PTPRD: variants seen among roughly 807,000 people sequenced by gnomAD.
The protein encoded by PTPRD is receptor-type tyrosine-protein phosphatase delta.
In PTPRD, 34 loss-of-function variants were observed where a neutral mutation model predicts 214.5. The observed-to-expected ratio is 0.16, with a 90% confidence interval of 0.12 to 0.21. PTPRD has a LOEUF of 0.21. Ranked by LOEUF, PTPRD falls within the 10% of genes least tolerant of loss-of-function variation. PTPRD has a pLI of 1.00. For missense variants in PTPRD, 2,545 were observed against 2,398.7 expected (o/e 1.06, Z -1.27); for synonymous variants, 1,128 against 845.7 (o/e 1.33, Z -5.79).
chr9:10,334,143 A>G (rs1053881218), intron 3 of PTPRD, among the ~76,000 whole-genome samples: 3 of 151,752 alleles, frequency 2.0e-5, no homozygotes, highest in Admixed American at 1.3e-4. Flanking sequence ...ACAATATACT[A>G]AAGATAGGGG....
chr9:10,263,557 G>A (rs1004105130), intron 3 of PTPRD, among the ~76,000 whole-genome samples: 1 of 152,100 alleles, frequency 6.6e-6, no homozygotes, highest in Non-Finnish European at 1.5e-5. Flanking sequence ...AGAGATCTGT[G>A]GAATTTTGAA....
At chr9:8,707,838 G>A (rs1755469226) in intron 12 of PTPRD, among the ~76,000 whole-genome samples, 2 of 152,132 alleles carry the variant, frequency 1.3e-5, no homozygotes, top group South Asian at 4.1e-4. Flanking sequence ...GTTCACATCT[G>A]TCATCTCCCA....
chr9:9,093,519 T>A (rs1452402309), intron 10 of PTPRD, among the ~76,000 whole-genome samples: 1 of 151,916 alleles, frequency 6.6e-6, no homozygotes, highest in African/African-American at 2.4e-5. Flanking sequence ...CAGAAATTAG[T>A]AATAAACAAT....
intron 9 of PTPRD, among the ~76,000 whole-genome samples, chr9:9,187,331 C>T (rs73403468): frequency 0.017 from 2,519 of 152,082 alleles, 79 homozygotes; most frequent in African/African-American, 0.058. Flanking sequence ...AGTCATTGTA[C>T]TCAGATTTTC....
At chr9:8,894,307 A>G (rs1000780614) in intron 11 of PTPRD, among the ~76,000 whole-genome samples, 5 of 136,076 alleles carry the variant, frequency 3.7e-5, no homozygotes, top group Non-Finnish European at 6.5e-5. Context: ...GTGAGCCAAC[A>G]TCACCCCACT....
chr9:9,498,121 C>T (rs960989817), intron 8 of PTPRD, among the ~76,000 whole-genome samples: 12 of 152,128 alleles, frequency 7.9e-5, no homozygotes, highest in Non-Finnish European at 1.8e-4. Context: ...AGTTTCCTCT[C>T]CTAGCTCCTG....
intron 30 of PTPRD, among the ~76,000 whole-genome samples, chr9:8,482,583 G>T (rs993306381): frequency 7.2e-5 from 11 of 152,036 alleles, no homozygotes; most frequent in African/African-American, 2.7e-4. Flanking sequence ...TTCCAAACAG[G>T]TAGCACAATA....
At chr9:9,228,676 T>A (rs1413981842) in intron 9 of PTPRD, among the ~76,000 whole-genome samples, 1 of 152,148 alleles carries the variant, frequency 6.6e-6, no homozygotes, top group Non-Finnish European at 1.5e-5. Context: ...GTAAAATGAA[T>A]GAAATCTTAC....
chr9:8,471,278 T>C (rs543407527), intron 30 of PTPRD, among the ~76,000 whole-genome samples, 193 bp from the exon 31 acceptor site: 4 of 152,226 alleles, frequency 2.6e-5, no homozygotes, highest in Admixed American at 2.6e-4. Context: ...GACATTTATG[T>C]GTGATTGCAG....
intron 9 of PTPRD, among the ~76,000 whole-genome samples, chr9:9,354,495 C>G (rs578115529): frequency 1.3e-5 from 2 of 150,290 alleles, no homozygotes; most frequent in South Asian, 2.1e-4. Flanking sequence ...AATTCAATAA[C>G]TTTTCAAATG....
intron 11 of PTPRD, among the ~76,000 whole-genome samples, chr9:8,765,485 C>T (rs950783353): frequency 6.6e-6 from 1 of 152,212 alleles, no homozygotes; most frequent in African/African-American, 2.4e-5. Flanking sequence ...TCCCTGCCAG[C>T]AACCATGTGA....
rs982385418 is a variant in PTPRD, at chr9:10,387,663, A to G, written c.-599-46646T>C. On this transcript the variant is annotated intron_variant, in intron 2 of 45. Coordinates refer to ENST00000381196, the MANE Select transcript of PTPRD (RefSeq NM_002839.4). ...CATACTTTGTGTCATTGTACAATTC[A>G]CTCTGAGAACTTGGTACATGACAAA... 3.3e-5 allele frequency among the ~76,000 whole-genome samples: 5 copies of G among 151,578 alleles called. No individual in the cohort carries two copies. The South Asian group carries it at 1.0e-3, about 32-fold the overall frequency.
intron 2 of PTPRD, among the ~76,000 whole-genome samples, chr9:10,443,862 C>T (rs958993124): frequency 6.6e-6 from 1 of 151,442 alleles, no homozygotes; most frequent in South Asian, 2.1e-4. Flanking sequence ...CACACACACA[C>T]ACAAATGTTT....
intron 11 of PTPRD, chr9:8,859,811 G>GGA (rs1555445014): frequency 3.3e-5 from 5 of 149,630 alleles, no homozygotes; most frequent in Admixed American, 1.3e-4. Flanking sequence ...ATTTGGGGGT[G>GGA]GGGGAGGAGC....
chr9:9,265,242 A>G (rs773371749), intron 9 of PTPRD, among the ~76,000 whole-genome samples: 3 of 151,626 alleles, frequency 2.0e-5, no homozygotes, highest in Non-Finnish European at 4.4e-5. Flanking sequence ...GGTAATGAAT[A>G]TGCAATTTAT....
chr9:9,184,422 A>T (rs1035226986), intron 9 of PTPRD, among the ~76,000 whole-genome samples: 34 of 152,002 alleles, frequency 2.2e-4, no homozygotes, highest in Admixed American at 2.1e-3. Context: ...ATCCCTAAGG[A>T]CCTAAAGGAG....
rs1355026110 is a variant in PTPRD, at chr9:8,657,197, C to T, written c.65-20353G>A. ...TTTTTTTTTTTTTGAGACAGAGTTTCACTCTTGCTGCCCAGGCTGGAGTGC... is the reference window on the plus strand; with the variant it reads ...TTTTTTTTTTTTTGAGACAGAGTTTTACTCTTGCTGCCCAGGCTGGAGTGC... On this transcript the variant is annotated intron_variant, in intron 12 of 45. Coordinates refer to ENST00000381196, the MANE Select transcript of PTPRD (RefSeq NM_002839.4). Among the ~76,000 whole-genome samples, 741 of 118,458 alleles carry T rather than the reference C, an allele frequency of 6.3e-3. 15 individuals are homozygous for T. The highest frequency in any genetic ancestry group is 0.023 in the African/African-American group (715 of 31,034). 77.7% of individuals were successfully genotyped at this position (118,458 alleles called of 152,430 possible).
chr9:9,486,209 G>A (rs1209129950), intron 8 of PTPRD, among the ~76,000 whole-genome samples: 1 of 122,912 alleles, frequency 8.1e-6, no homozygotes, highest in Non-Finnish European at 1.6e-5. Flanking sequence ...GTCACTATGT[G>A]AGCTCCCTCC....
chr9:10,221,229 T>G lies in PTPRD; in HGVS notation c.-545+119734A>C, dbSNP rs565208583. ...GTCTCCAGTCGTTGGTGTGCAGAAA[T>G]AAATTACAGAATTTGGGTACTGAAC... On this transcript the variant is annotated intron_variant, in intron 3 of 45. Transcript: ENST00000381196. Among the ~76,000 whole-genome samples the G allele has an allele frequency of 1.2e-3, 176 of 152,132 alleles. 1 individual carries two copies. The highest frequency in any genetic ancestry group is 3.9e-3 in the African/African-American group (162 of 41,548).
Sources: allele counts gnomAD v4.1 joint callset (sites outside exome capture counted in the v4.1 genomes callset), GRCh38; gene constraint gnomAD v4.1.1; transcripts MANE v1.5; gene names NCBI Gene and HGNC (gene_info 2026-07-23, HGNC 2026-07-21).